STK24: variants seen among roughly 807,000 people sequenced by gnomAD.
The protein encoded by STK24 is serine/threonine kinase 24, also known as serine/threonine-protein kinase 24.
Under a neutral mutation model 55.6 loss-of-function variants are expected in STK24, and 21 were observed. The observed-to-expected ratio is 0.38, with a 90% CI of 0.27 to 0.54. The LOEUF is 0.54. STK24 is among the 20% of genes least tolerant of loss of function. The pLI is 0.79. For synonymous variants in STK24, 200 were observed against 215.2 expected (o/e 0.93, Z 0.62); for missense variants, 383 against 538.4 (o/e 0.71, Z 2.86).
intron 2 of STK24, among the ~76,000 whole-genome samples, chr13:98,483,260 G>A (rs578025166): frequency 6.6e-5 from 10 of 152,306 alleles, no homozygotes; most frequent in African/African-American, 1.2e-4. Context: ...GCCTGGCCAC[G>A]GCGAGCAGCC....
At chr13:98,575,280 G>A (rs1479643916) in intron 1 of STK24, among the ~76,000 whole-genome samples, 3 of 152,110 alleles carry the variant, frequency 2.0e-5, no homozygotes, top group Non-Finnish European at 2.9e-5. Context: ...AATGAGAGTC[G>A]ACAAAAGAAT....
At chr13:98,574,295 CTG>C (rs1253029025) in intron 1 of STK24, among the ~76,000 whole-genome samples, 6 of 152,310 alleles carry the variant, frequency 3.9e-5, no homozygotes, top group Non-Finnish European at 7.3e-5. Context: ...ACAGACTCTG[CTG>C]TCTTTCTAAG....
intron 7 of STK24, 127 bp downstream of exon 7, chr13:98,463,564 T>G: frequency 1.7e-6 from 2 of 1,168,956 alleles, no homozygotes. Context: ...ACACAACAAT[T>G]GCCACCAACC....
chr13:98,575,501 C>T (rs1213429404), intron 1 of STK24, among the ~76,000 whole-genome samples: 2 of 151,880 alleles, frequency 1.3e-5, no homozygotes, highest in African/African-American at 2.4e-5. Context: ...CCTATTTTTC[C>T]AGAATTCAAA....
chr13:98,559,002 T>TAAA (rs60756124), intron 1 of STK24, among the ~76,000 whole-genome samples: 42 of 43,030 alleles, frequency 9.8e-4, no homozygotes, highest in South Asian at 4.1e-3. Context: ...CTGTCTCTAC[T>TAAA]AAAAAAAAAA....
At chr13:98,510,687 C>T (rs560400321) in intron 2 of STK24, among the ~76,000 whole-genome samples, 3 of 152,162 alleles carry the variant, frequency 2.0e-5, no homozygotes, top group Non-Finnish European at 4.4e-5. Context: ...TCTATAATTA[C>T]ACTTATATGA....
intron 2 of STK24, among the ~76,000 whole-genome samples, chr13:98,504,610 G>A (rs1895616843): frequency 6.6e-6 from 1 of 152,196 alleles, no homozygotes; most frequent in African/African-American, 2.4e-5. Flanking sequence ...CCTACTGTGT[G>A]GTGAGGGGCA....
intron 2 of STK24, among the ~76,000 whole-genome samples, chr13:98,502,744 C>T (rs1895523821): frequency 6.6e-6 from 1 of 152,150 alleles, no homozygotes; most frequent in Admixed American, 6.5e-5. Flanking sequence ...TTTCAGCCTC[C>T]AGAACTGTGA....
chr13:98,508,788 C>T (rs1895781932), intron 2 of STK24: 1 of 152,170 alleles, frequency 6.6e-6, no homozygotes, highest in African/African-American at 2.4e-5. Context: ...CCTTCAGGGC[C>T]ACGCCTCATA....
In STK24 at chr13:98,557,529, T is replaced by C. The variant is rs546456293; in HGVS notation, c.42+19216A>G. Reference sequence around the variant, plus strand: ...TCCTCCCCACCCACTGGTGGCACAGTTCGATCTGGCATCAGCTTTTACCTG... The same window carrying C: ...TCCTCCCCACCCACTGGTGGCACAGCTCGATCTGGCATCAGCTTTTACCTG... On this transcript the variant is annotated intron_variant, in intron 1 of 10. Coordinates refer to ENST00000539966, the MANE Select transcript of STK24 (RefSeq NM_001032296.4). Among the ~76,000 whole-genome samples, 232 of 152,306 alleles carry C rather than the reference T, an allele frequency of 1.5e-3. 1 individual carries two copies. The highest frequency in any genetic ancestry group is 3.3e-3 in the Admixed American group (50 of 15,290).
chr13:98,562,965 CAT>C (rs200768285), intron 1 of STK24, among the ~76,000 whole-genome samples: 2,084 of 141,100 alleles, frequency 0.015, 55 homozygotes, highest in African/African-American at 0.051. Flanking sequence ...TAGAAAATAA[CAT>C]ATTTTATATG....
chr13:98,521,849 C>T (rs377710984), intron 1 of STK24: 2 of 799,644 alleles, frequency 2.5e-6, no homozygotes, highest in Non-Finnish European at 4.6e-6. Context: ...GCTCTGGAGT[C>T]CATCCTTCTC....
chr13:98,547,942 A>G (rs1897067839), intron 1 of STK24, among the ~76,000 whole-genome samples: 1 of 152,192 alleles, frequency 6.6e-6, no homozygotes, highest in African/African-American at 2.4e-5. Flanking sequence ...CTCATGGTAG[A>G]TGAGGCTATT....
chr13:98,448,136 G>T lies in STK24; in HGVS notation c.*5037C>A. 1.0e-6 allele frequency: 1 copy of T among 973,058 alleles called. No homozygotes were observed. Among genetic ancestry groups the T allele is most frequent in the Non-Finnish European group, 1.7e-6 (1 of 605,116 alleles). 60.3% of individuals were successfully genotyped at this position (973,058 alleles called of 1,614,324 possible). A position where few individuals can be genotyped will look rare whatever the true frequency, so the allele number is the denominator to read the frequency against. On this transcript the variant is annotated 3_prime_UTR_variant, in exon 11 of 11. Transcript: ENST00000539966. ...GCTGAAGTGGCAGATTACCAACCAG[G>T]CGGCCTGACTTCACCTTGTGTTTCT...
chr13:98,551,959 T>C (rs756726227), intron 1 of STK24, among the ~76,000 whole-genome samples: 11 of 152,182 alleles, frequency 7.2e-5, no homozygotes, highest in Admixed American at 7.2e-4. Context: ...GTTCGTGACA[T>C]TGCTGATGGA....
intron 1 of STK24, among the ~76,000 whole-genome samples, chr13:98,525,304 G>A (rs925648518): frequency 3.0e-4 from 46 of 152,238 alleles, no homozygotes; most frequent in African/African-American, 1.0e-3. Flanking sequence ...AGATTGGAAA[G>A]GCCTGGGGCC....
In STK24 at chr13:98,543,356, C is replaced by T. The variant is rs987755048; in HGVS notation, c.43-23883G>A. Among the ~76,000 whole-genome samples the T allele has an allele frequency of 2.6e-5, 4 of 152,136 alleles. No individual in the cohort carries two copies. In the East Asian group the frequency reaches 7.7e-4, roughly 29 times the overall value. On this transcript the variant is annotated intron_variant, in intron 1 of 10. Coordinates refer to ENST00000539966, the MANE Select transcript of STK24 (RefSeq NM_001032296.4). Reference sequence around the variant, plus strand: ...GCACTCAGATTTGAGAAACCTCGACCCTCCAGAAGCACCAAGCAAAAAAGG... The same window carrying T: ...GCACTCAGATTTGAGAAACCTCGACTCTCCAGAAGCACCAAGCAAAAAAGG...
At position 98,457,185 on chromosome 13, in the gene STK24, G is replaced by A. The variant is rs149947367; in HGVS notation, c.1242C>T (p.Leu414=). 100 of 1,611,484 alleles carry A rather than the reference G, an allele frequency of 6.2e-5. No individual in the cohort carries two copies. In the African/African-American group the frequency reaches 1.1e-3, roughly 18 times the overall value. Residue 414 remains leucine (L), a synonymous_variant, in exon 10 of 11, where the codon CTC becomes CTT. Transcript: ENST00000539966. ...PGISDTMVAQ[L]VQRLQRYSLS... is the part of the protein sequence containing the mutation. ...GTAGTTACCTCTGGAGCCGCTGCACGAGCTGGGCCACCATGGTGTCGGAGA... is the reference window on the plus strand; with the variant it reads ...GTAGTTACCTCTGGAGCCGCTGCACAAGCTGGGCCACCATGGTGTCGGAGA...
chr13:98,576,372 G>A (rs2139478181), intron 1 of STK24: 1 of 295,422 alleles, frequency 3.4e-6, no homozygotes, highest in Non-Finnish European at 5.0e-6. Context: ...CAGGGCCCCG[G>A]GACCCGGCGG....
Sources: allele counts gnomAD v4.1 joint callset (sites outside exome capture counted in the v4.1 genomes callset), GRCh38; gene constraint gnomAD v4.1.1; transcripts MANE v1.5; gene names NCBI Gene and HGNC (gene_info 2026-07-23, HGNC 2026-07-21).